BAZ1A: variants seen among roughly 807,000 people sequenced by gnomAD.
The protein encoded by BAZ1A is bromodomain adjacent to zinc finger domain protein 1A.
A neutral mutation model predicts 185.2 loss-of-function variants in BAZ1A; 50 were observed. The ratio of observed to expected loss-of-function variants is 0.27; its 90% confidence interval spans 0.22 to 0.34. BAZ1A has a LOEUF of 0.34. Among genes scored for constraint, BAZ1A ranks in the 10% least tolerant of loss-of-function variants. The pLI is 1.00. For missense variants in BAZ1A, 1,356 were observed against 1,839.9 expected, an observed-to-expected ratio of 0.74 and a Z score of 4.81; for synonymous variants, 571 against 615.6, an observed-to-expected ratio of 0.93 and a Z score of 1.07.
chr14:34,832,215 C>CACACACACATATAT lies in BAZ1A; in HGVS notation c.393-6060_393-6059insATATATGTGTGTGT. ...ATACACACACACACACACACACACACATATATATATATATATGTATGTATG... is the reference window on the plus strand; with the variant it reads ...ATACACACACACACACACACACACACACACACACATATATATATATATATATATATGTATGTATG... On this transcript the variant is annotated intron_variant, in intron 3 of 26. Coordinates refer to ENST00000360310, the MANE Select transcript of BAZ1A (RefSeq NM_013448.3). Among the ~76,000 whole-genome samples the CACACACACATATAT allele has an allele frequency of 2.0e-3, 176 of 89,704 alleles. 3 individuals are homozygous for CACACACACATATAT. Among genetic ancestry groups the CACACACACATATAT allele is most frequent in the African/African-American group, 6.3e-3 (169 of 26,796 alleles). The allele number at this position is 89,704 out of a possible 152,430, so 58.8% of individuals were successfully genotyped here. A position where few individuals can be genotyped will look rare whatever the true frequency, so the allele number is the denominator to read the frequency against.
chr14:34,837,407 A>AT (rs11378657), intron 3 of BAZ1A, among the ~76,000 whole-genome samples: 87,643 of 145,808 alleles, frequency 0.6, 26,328 homozygotes, highest in South Asian at 0.69. Flanking sequence ...ACCCCAGCTA[A>AT]TTTTTTTTTT....
intron 7 of BAZ1A, among the ~76,000 whole-genome samples, chr14:34,802,118 C>T (rs1881603488): frequency 1.3e-5 from 2 of 152,002 alleles, no homozygotes; most frequent in South Asian, 4.1e-4. Flanking sequence ...ATAAAAGATG[C>T]AGAAAAAAGA....
chr14:34,870,870 T>C (rs2138844195), intron 2 of BAZ1A, among the ~76,000 whole-genome samples: 1 of 152,318 alleles, frequency 6.6e-6, no homozygotes, highest in South Asian at 2.1e-4. Flanking sequence ...GACTGACTTA[T>C]TAACAAGGGA....
chr14:34,802,935 G>A lies in BAZ1A; in HGVS notation c.780C>T (p.Phe260=). The A allele has an allele frequency of 2.5e-6, 4 of 1,612,678 alleles. No homozygotes were observed. Among genetic ancestry groups the A allele is most frequent in the Non-Finnish European group, 3.4e-6 (4 of 1,178,720 alleles). ...KIAEQDFSYF[F]PDDPPTFIFS... ...AGATAAATGTGGGTGGATCATCAGG[G>A]AAGAAATAAGAAAAATCTTGTTCTG... The change falls in exon 7 of 27, where the codon TTC becomes TTT. Residue 260 remains phenylalanine (F), a synonymous_variant. Coordinates refer to ENST00000360310, the MANE Select transcript of BAZ1A (RefSeq NM_013448.3).
intron 16 of BAZ1A, 35 bp downstream of exon 16, chr14:34,783,084 G>T: frequency 2.1e-6 from 3 of 1,446,464 alleles, no homozygotes; most frequent in South Asian, 2.4e-5. Context: ...CTTTATGTAT[G>T]GTAAAGCAGA....
chr14:34,863,090 G>T (rs1453409801), intron 2 of BAZ1A, among the ~76,000 whole-genome samples: 1 of 141,646 alleles, frequency 7.1e-6, no homozygotes, highest in African/African-American at 2.6e-5. Context: ...CCAGGTTTAA[G>T]CGATTCTCCT....
At chr14:34,797,834 G>A (rs1007395114) in intron 9 of BAZ1A, among the ~76,000 whole-genome samples, 5 of 152,086 alleles carry the variant, frequency 3.3e-5, no homozygotes, top group African/African-American at 7.3e-5. Flanking sequence ...GAAGCAGGGC[G>A]AGCCAAAGCA....
At chr14:34,774,944 G>A (rs1439565967) in intron 18 of BAZ1A, among the ~76,000 whole-genome samples, 1 of 152,244 alleles carries the variant, frequency 6.6e-6, no homozygotes, top group Non-Finnish European at 1.5e-5. Flanking sequence ...GCGGGGGGTA[G>A]TGGCTCATGC....
intron 3 of BAZ1A, among the ~76,000 whole-genome samples, chr14:34,828,963 C>A (rs916500231): frequency 6.6e-6 from 1 of 152,178 alleles, no homozygotes; most frequent in African/African-American, 2.4e-5. Flanking sequence ...TGTACCTGCT[C>A]TGTAGACATT....
chr14:34,861,922 G>A, intron 3 of BAZ1A, 122 bp downstream of exon 3: 1 of 1,148,044 alleles, frequency 8.7e-7, no homozygotes. Flanking sequence ...CTATCTGTGG[G>A]TTAACAGAAT....
At chr14:34,779,751 A>T (rs953615280) in intron 17 of BAZ1A, among the ~76,000 whole-genome samples, 3 of 152,212 alleles carry the variant, frequency 2.0e-5, no homozygotes, top group African/African-American at 7.2e-5. Context: ...AACATGATAC[A>T]AATTATGAGC....
rs1483253935 is a variant in BAZ1A, at chr14:34,764,930, C to T, written c.3553G>A (p.Val1185Met). 6.2e-7 allele frequency: 1 copy of T among 1,613,894 alleles called. No individual in the cohort carries two copies. Among genetic ancestry groups the T allele is most frequent in the East Asian group, 2.2e-5 (1 of 44,896 alleles). The change falls in exon 23 of 27, where the codon GTG (valine) becomes ATG (methionine). Residue 1185 changes from valine (V) to methionine (M), a missense_variant. Physicochemically the swap from Val to Met is conservative, Grantham distance 21. Transcript: ENST00000360310. ...GGACAAAACCAGTCTCCTTCAGGCA[C>T]AGTCTGAAAAAATCACATAAATGAT... Reference protein sequence around the residue: ...TYCVRPKLKTVPEGDWFCPEC... With the variant: ...TYCVRPKLKTMPEGDWFCPEC...
chr14:34,755,046 C>A (rs1330079089), intron 25 of BAZ1A, 132 bp from the exon 26 acceptor site: 3 of 574,286 alleles, frequency 5.2e-6, no homozygotes, highest in Non-Finnish European at 6.1e-6. Context: ...ATGACTCTCT[C>A]CTCTCTATAT....
chr14:34,797,671 T>C (rs1157743311), intron 9 of BAZ1A, among the ~76,000 whole-genome samples: 1 of 152,222 alleles, frequency 6.6e-6, no homozygotes, highest in East Asian at 1.9e-4. Flanking sequence ...ACCACCTTCA[T>C]GGCCTATTTG....
In BAZ1A at chr14:34,753,691, A is replaced by G; in HGVS notation, c.4488T>C (p.Asp1496=). 6.3e-7 allele frequency: 1 copy of G among 1,582,622 alleles called. No individual in the cohort carries two copies. Residue 1496 remains aspartate, a synonymous_variant, in exon 27 of 27, where the codon GAT becomes GAC. Coordinates refer to ENST00000360310, the MANE Select transcript of BAZ1A (RefSeq NM_013448.3). Reference sequence around the variant, plus strand: ...AGTTCGAAAACATTAACTCAATGTCATCAATAAACTCAGCTAGAAAGGGAA... The same window carrying G: ...AGTTCGAAAACATTAACTCAATGTCGTCAATAAACTCAGCTAGAAAGGGAA... ...CEYKLASEFI[D]DIELMFSNCF...
chr14:34,771,447 T>C, intron 21 of BAZ1A, 64 bp downstream of exon 21: 3 of 1,479,344 alleles, frequency 2.0e-6, no homozygotes. Context: ...GTTCTATTAG[T>C]TAAAGGCCAA....
At chr14:34,848,601 A>G (rs903907646) in intron 3 of BAZ1A, among the ~76,000 whole-genome samples, 1 of 152,188 alleles carries the variant, frequency 6.6e-6, no homozygotes, top group Non-Finnish European at 1.5e-5. Flanking sequence ...TGTCTCAAAA[A>G]ATAATAATTA....
chr14:34,780,219 C>T lies in BAZ1A; in HGVS notation c.2203G>A (p.Asp735Asn). ...CCTCTTTTATGTGATCCTGGGTCAT[C>T]TTCATCTTCAGTGACCATATCTTGA... is the stretch of plus-strand genomic sequence containing the variant. ...LDQDMVTEDE[D>N]DPGSHKRGRR... is the part of the protein sequence containing the mutation. Residue 735 changes from aspartate (D) to asparagine (N), a missense_variant, in exon 17 of 27, where the codon GAT becomes AAT. Asp to Asn is a conservative substitution (Grantham distance 23). Coordinates refer to ENST00000360310, the MANE Select transcript of BAZ1A (RefSeq NM_013448.3). 6.2e-7 allele frequency: 1 copy of T among 1,613,696 alleles called. No homozygotes were observed. The highest frequency in any genetic ancestry group is 8.5e-7 in the Non-Finnish European group (1 of 1,179,826).
intron 3 of BAZ1A, among the ~76,000 whole-genome samples, chr14:34,845,809 C>G (rs981081393): frequency 6.8e-6 from 1 of 146,502 alleles, no homozygotes; most frequent in African/African-American, 2.5e-5. Flanking sequence ...TGCAGTGAGC[C>G]GAGATCGTGC....
Sources: allele counts gnomAD v4.1 joint callset (sites outside exome capture counted in the v4.1 genomes callset), GRCh38; gene constraint gnomAD v4.1.1; transcripts MANE v1.5; gene names NCBI Gene and HGNC (gene_info 2026-07-23, HGNC 2026-07-21).